The following MAGI1 variants were observed in gnomAD, a reference collection of about 807,000 sequenced individuals.
The protein encoded by MAGI1 is membrane associated guanylate kinase, WW and PDZ domain containing 1.
MAGI1 carries 58 observed loss-of-function variants against 139.9 expected under a neutral mutation model. That is an observed-to-expected ratio of 0.41 (90% CI 0.34 to 0.52). The LOEUF (loss-of-function observed/expected upper bound fraction) is 0.52. Ranked by LOEUF, MAGI1 falls within the 20% of genes least tolerant of loss-of-function variation. The pLI, the probability that MAGI1 is intolerant of heterozygous loss-of-function variation, is 0.12. For synonymous variants in MAGI1, 812 were observed against 737.9 expected, an observed-to-expected ratio of 1.10 and a Z score of -1.63; for missense variants, 1,874 against 1,901.6, an observed-to-expected ratio of 0.99 and a Z score of 0.27.
At chr3:65,491,034 A>G (rs776708778) in intron 3 of MAGI1, among the ~76,000 whole-genome samples, 11 of 152,136 alleles carry the variant, frequency 7.2e-5, no homozygotes, top group South Asian at 6.2e-4. Flanking sequence ...ACCGTTTTCT[A>G]CAAGACAATC....
chr3:65,898,827 T>C lies in MAGI1; in HGVS notation c.313+139169A>G, dbSNP rs193026798. Among the ~76,000 whole-genome samples the C allele has an allele frequency of 1.7e-4, 26 of 152,340 alleles. No homozygotes were observed. In the East Asian group the frequency reaches 5.0e-3, roughly 29 times the overall value. On this transcript the variant is annotated intron_variant, in intron 1 of 22. Coordinates refer to ENST00000402939, the MANE Select transcript of MAGI1 (RefSeq NM_001033057.2). ...TTACCCTGATCTGATCACTATACATTATATGTTTTCAAAATATCATATGTA... is the reference window on the plus strand; with the variant it reads ...TTACCCTGATCTGATCACTATACATCATATGTTTTCAAAATATCATATGTA...
intron 2 of MAGI1, among the ~76,000 whole-genome samples, chr3:65,534,444 T>C (rs1238771485): frequency 6.6e-6 from 1 of 152,080 alleles, no homozygotes; most frequent in Non-Finnish European, 1.5e-5. Flanking sequence ...GAGCTGTGAA[T>C]ATACTGCTGC....
chr3:65,792,246 T>C (rs933181074), intron 1 of MAGI1, among the ~76,000 whole-genome samples: 4 of 152,048 alleles, frequency 2.6e-5, no homozygotes, highest in Admixed American at 6.6e-5. Context: ...GAGAGGATCA[T>C]TTGAGGTCAG....
At chr3:65,503,539 C>A (rs1216311580) in intron 2 of MAGI1, among the ~76,000 whole-genome samples, 1 of 152,152 alleles carries the variant, frequency 6.6e-6, no homozygotes, top group African/African-American at 2.4e-5. Flanking sequence ...TGGAATAATG[C>A]CAAGCCATTC....
chr3:65,597,030 GC>G (rs940102176), intron 2 of MAGI1, among the ~76,000 whole-genome samples: 5 of 151,956 alleles, frequency 3.3e-5, no homozygotes, highest in Admixed American at 6.6e-5. Context: ...AAGTGCAAAG[GC>G]ATTTGCCCAC....
intron 1 of MAGI1, among the ~76,000 whole-genome samples, chr3:65,800,971 G>T (rs1353582006): frequency 2.0e-5 from 3 of 152,158 alleles, no homozygotes; most frequent in Non-Finnish European, 4.4e-5. Flanking sequence ...AACAGAGTTG[G>T]ATGAATCAGG....
chr3:65,585,056 G>A (rs185578458), intron 2 of MAGI1, among the ~76,000 whole-genome samples: 3 of 152,302 alleles, frequency 2.0e-5, no homozygotes, highest in African/African-American at 7.2e-5. Flanking sequence ...GGTTCTATGT[G>A]AGGGACTCAT....
intron 1 of MAGI1, among the ~76,000 whole-genome samples, chr3:65,897,267 T>G (rs2061009428): frequency 6.6e-6 from 1 of 152,126 alleles, no homozygotes; most frequent in South Asian, 2.1e-4. Context: ...ATTAGAAAAT[T>G]AATGGACTTT....
At chr3:65,764,469 C>G (rs2037308494) in intron 1 of MAGI1, among the ~76,000 whole-genome samples, 1 of 152,126 alleles carries the variant, frequency 6.6e-6, no homozygotes, top group Admixed American at 6.6e-5. Flanking sequence ...GCTATGTTTT[C>G]AAAAGAACCA....
At chr3:65,678,457 T>C (rs2087346405) in intron 1 of MAGI1, among the ~76,000 whole-genome samples, 1 of 152,200 alleles carries the variant, frequency 6.6e-6, no homozygotes, top group African/African-American at 2.4e-5. Context: ...TCAAGCTTTG[T>C]TGCTAACAAA....
chr3:65,437,432 G>A (rs961902365), intron 9 of MAGI1, among the ~76,000 whole-genome samples, 185 bp from the exon 10 acceptor site: 2 of 145,388 alleles, frequency 1.4e-5, no homozygotes, highest in African/African-American at 5.1e-5. Context: ...TGTCTAAGAC[G>A]TTTTGGGAAA....
chr3:65,620,098 C>A, intron 2 of MAGI1: 1 of 442,822 alleles, frequency 2.3e-6, no homozygotes, highest in Non-Finnish European at 3.0e-6. Flanking sequence ...GAGAGCATGC[C>A]AAAATGTAAC....
chr3:65,430,139 C>A lies in MAGI1; in HGVS notation c.1548G>T (p.Gly516=). ...TGTCATTCACACTTACAATCACATC[C>A]CCTGTAGAAGGCAAGAGTGTGGGGG... ...PAALDGKMET[G]DVIVSVNDTC... is the part of the protein sequence containing the mutation. The change falls in exon 12 of 23, where the codon GGG becomes GGT. Residue 516 remains glycine, a splice_region_variant and synonymous_variant. Coordinates refer to ENST00000402939, the MANE Select transcript of MAGI1 (RefSeq NM_001033057.2). The A allele has an allele frequency of 6.2e-7, 1 of 1,610,880 alleles. No homozygotes were observed. The highest frequency in any genetic ancestry group is 1.3e-5 in the African/African-American group (1 of 74,950).
chr3:65,753,436 G>C (rs1303408889), intron 1 of MAGI1, among the ~76,000 whole-genome samples: 1 of 152,068 alleles, frequency 6.6e-6, no homozygotes, highest in Non-Finnish European at 1.5e-5. Flanking sequence ...AAGAAACTAA[G>C]AGTTAAAAAA....
At chr3:65,524,718 G>C (rs1415221177) in intron 2 of MAGI1, among the ~76,000 whole-genome samples, 1 of 152,180 alleles carries the variant, frequency 6.6e-6, no homozygotes, top group Admixed American at 6.5e-5. Context: ...AAGATAGGCT[G>C]AATGATAGAT....
chr3:65,781,517 G>A (rs544590266), intron 1 of MAGI1, among the ~76,000 whole-genome samples: 3 of 152,206 alleles, frequency 2.0e-5, no homozygotes, highest in East Asian at 3.9e-4. Flanking sequence ...CATGGAATAG[G>A]TTTTTTAAAA....
rs142042800 is a variant in MAGI1, at chr3:65,479,732, T to C, written c.551-934A>G. ...GCTGAATACATAATAGGGATGGTAG[T>C]AATAAGAGTTTCCTTTTGAAAAGTT... On this transcript the variant is annotated intron_variant, in intron 3 of 22. Coordinates refer to ENST00000402939, the MANE Select transcript of MAGI1 (RefSeq NM_001033057.2). Among the ~76,000 whole-genome samples the C allele has an allele frequency of 7.8e-3, 1,185 of 152,234 alleles. 18 individuals carry two copies. The highest frequency in any genetic ancestry group is 0.027 in the African/African-American group (1,133 of 41,550).
chr3:65,661,577 C>T (rs1002102843), intron 1 of MAGI1, among the ~76,000 whole-genome samples: 1 of 152,040 alleles, frequency 6.6e-6, no homozygotes, highest in Non-Finnish European at 1.5e-5. Flanking sequence ...TTGAGCAAGC[C>T]ACTTCTTGTT....
chr3:66,009,392 C>A (rs1375355772), intron 1 of MAGI1, among the ~76,000 whole-genome samples: 1 of 152,102 alleles, frequency 6.6e-6, no homozygotes, highest in South Asian at 2.1e-4. Flanking sequence ...TGCTTGTAAT[C>A]CCAGCTACCC....
Sources: allele counts gnomAD v4.1 joint callset (sites outside exome capture counted in the v4.1 genomes callset), GRCh38; gene constraint gnomAD v4.1.1; transcripts MANE v1.5; gene names NCBI Gene and HGNC (gene_info 2026-07-23, HGNC 2026-07-21).